EXTL2: variants seen among roughly 807,000 people sequenced by gnomAD.
The protein encoded by EXTL2 is exostosin-like 2.
In EXTL2, 23 loss-of-function variants were observed where a neutral mutation model predicts 30.7. The observed-to-expected ratio is 0.75, with a 90% CI of 0.54 to 1.06. EXTL2 has a LOEUF of 1.06. EXTL2 is among the 50% of genes least tolerant of loss of function. EXTL2 has a pLI of 0.00. For synonymous variants in EXTL2, 123 were observed against 133.8 expected (o/e 0.92, Z 0.56); for missense variants, 352 against 396.3 (o/e 0.89, Z 0.95).
intron 1 of EXTL2, among the ~76,000 whole-genome samples, chr1:100,891,352 C>T (rs1446850007): frequency 2.0e-5 from 3 of 152,078 alleles, no homozygotes; most frequent in Non-Finnish European, 4.4e-5. Flanking sequence ...CTACCTAGAC[C>T]GAACGAATTT....
chr1:100,874,135 A>G lies in EXTL2; in HGVS notation c.800T>C (p.Val267Ala). Reference sequence around the variant, plus strand: ...TTCTTTTTCCAAATTGTCCATGTTTACAGGCTTCACAAATATCCCTGAAGT... The same window carrying G: ...TTCTTTTTCCAAATTGTCCATGTTTGCAGGCTTCACAAATATCCCTGAAGT... The part of the protein sequence containing the change: ...GKTSGIFVKP[V>A]NMDNLEKETN... The change falls in exon 5 of 5, where the codon GTA becomes GCA. Residue 267 changes from valine to alanine, a missense_variant. Val to Ala is a moderately conservative substitution (Grantham distance 64). Transcript: ENST00000370114. 6.2e-7 allele frequency: 1 copy of G among 1,613,034 alleles called. No individual in the cohort carries two copies.
chr1:100,892,825 CT>C (rs1650539408), intron 1 of EXTL2, among the ~76,000 whole-genome samples: 2 of 152,172 alleles, frequency 1.3e-5, no homozygotes, highest in Non-Finnish European at 2.9e-5. Flanking sequence ...ACCTTTACAA[CT>C]CCTTTTTTAA....
chr1:100,880,782 A>G, intron 2 of EXTL2: 1 of 169,380 alleles, frequency 5.9e-6, no homozygotes, highest in Non-Finnish European at 1.2e-5. Context: ...TAAGATCTTT[A>G]TATTCATTTT....
rs771957922 is a variant in EXTL2 at position 100,873,957 on chromosome 1, G to A, written c.978C>T (p.Tyr326=). 21 of 1,566,844 alleles carry A rather than the reference G, an allele frequency of 1.3e-5. No homozygotes were observed. In the African/African-American group the frequency reaches 1.8e-4, roughly 13 times the overall value. ...ISQFGFPYAN[Y]KRKI ...TGTTTTACTTTTATATTTTTCTTTT[G>A]TAGTTGGCATATGGAAAACCAAACT... The change falls in exon 5 of 5, where the codon TAC becomes TAT. Residue 326 remains tyrosine (Y), a synonymous_variant. Transcript: ENST00000370114.
At position 100,874,290 on chromosome 1, in the gene EXTL2, G is replaced by A; in HGVS notation, c.645C>T (p.Ala215=). ...GDQYSMVLIG[A]SFFNSKYLEL... ...CAAGATATTTGCTATTGAAGAATGA[G>A]GCTCCAATCAGCACCATAGAGTACT... The change falls in exon 5 of 5, where the codon GCC becomes GCT. Residue 215 remains alanine, a synonymous_variant. Transcript: ENST00000370114. The A allele has an allele frequency of 6.2e-7, 1 of 1,612,994 alleles. No individual in the cohort carries two copies. The highest frequency in any genetic ancestry group is 8.5e-7 in the Non-Finnish European group (1 of 1,179,444).
At chr1:100,890,738 T>C (rs1359212381) in intron 1 of EXTL2, among the ~76,000 whole-genome samples, 1 of 152,214 alleles carries the variant, frequency 6.6e-6, no homozygotes, top group African/African-American at 2.4e-5. Flanking sequence ...GACTTCATTG[T>C]CCATATCACT....
rs1404620882 is a variant in EXTL2, at chr1:100,873,585, A to G, written c.*357T>C. The G allele has an allele frequency of 8.2e-5, 14 of 170,534 alleles. No homozygotes were observed. The highest frequency in any genetic ancestry group is 1.4e-4 in the Non-Finnish European group (11 of 79,768). 10.6% of individuals were successfully genotyped at this position (170,534 alleles called of 1,614,324 possible). A position where few individuals can be genotyped will look rare whatever the true frequency, so the allele number is the denominator to read the frequency against. ...CAACTGACCTTTAGTGAAAAAGCAG[A>G]GAAATGCCTCTCTTGAGTTTCTGAT... On this transcript the variant is annotated 3_prime_UTR_variant, in exon 5 of 5. Transcript: ENST00000370114.
rs1557949517 is a variant in EXTL2 at position 100,874,311 on chromosome 1, G to A, written c.624C>T (p.Tyr208=). The change falls in exon 5 of 5, where the codon TAC becomes TAT. Residue 208 remains tyrosine, a synonymous_variant. Coordinates refer to ENST00000370114, the MANE Select transcript of EXTL2 (RefSeq NM_001033025.3). The part of the protein sequence containing the change: ...QAPGSGNGDQ[Y]SMVLIGASFF... ...ATGAGGCTCCAATCAGCACCATAGA[G>A]TACTGGTCACCATTTCCAGACCCTG... The A allele has an allele frequency of 6.2e-7, 1 of 1,612,794 alleles. No homozygotes were observed. The highest frequency in any genetic ancestry group is 8.5e-7 in the Non-Finnish European group (1 of 1,179,438).
At chr1:100,878,246 A>G (rs957580440) in intron 2 of EXTL2, 3 of 321,678 alleles carry the variant, frequency 9.3e-6, no homozygotes, top group African/African-American at 6.5e-5. Context: ...GTAATATATT[A>G]ATTTCGAATC....
In EXTL2 at chr1:100,874,358, C is replaced by T. The variant is rs1648934086; in HGVS notation, c.577G>A (p.Gly193Arg). Reference protein sequence around the residue: ...VSTSSGIYSYGSFEMQAPGSG... With the variant: ...VSTSSGIYSYRSFEMQAPGSG... ...CCTGGTGCTTGCATTTCAAAACTTCCATAACTGTAGATACCTGATGAAGTA... is the reference window on the plus strand; with the variant it reads ...CCTGGTGCTTGCATTTCAAAACTTCTATAACTGTAGATACCTGATGAAGTA... Residue 193 changes from glycine to arginine, a missense_variant, in exon 5 of 5, where the codon GGA (glycine) becomes AGA (arginine). Transcript: ENST00000370114. 1 of 1,612,592 alleles carries T rather than the reference C, an allele frequency of 6.2e-7. No homozygotes were observed. The highest frequency in any genetic ancestry group is 8.5e-7 in the Non-Finnish European group (1 of 1,179,258).
At chr1:100,884,169 G>C (rs1029197277) in intron 2 of EXTL2, among the ~76,000 whole-genome samples, 1 of 152,186 alleles carries the variant, frequency 6.6e-6, no homozygotes, top group Non-Finnish European at 1.5e-5. Context: ...AAAGCAATGA[G>C]CAACGTGGTG....
At position 100,891,766 on chromosome 1, in the gene EXTL2, A is replaced by G. The variant is rs1055615433; in HGVS notation, c.-72+2867T>C. Among the ~76,000 whole-genome samples, 3 of 152,220 alleles carry G rather than the reference A, an allele frequency of 2.0e-5. No homozygotes were observed. In the East Asian group the frequency reaches 5.8e-4, roughly 29 times the overall value. On this transcript the variant is annotated intron_variant, in intron 1 of 4. Coordinates refer to ENST00000370114, the MANE Select transcript of EXTL2 (RefSeq NM_001033025.3). ...TATGACCTCTGGAATAATGGCTGGT[A>G]ATATTTAGAATTCCAGCCCCTCTCA...
chr1:100,880,620 C>T (rs1170163092), intron 2 of EXTL2, among the ~76,000 whole-genome samples: 1 of 152,138 alleles, frequency 6.6e-6, no homozygotes, highest in Non-Finnish European at 1.5e-5. Context: ...TACGAATTAA[C>T]AATCTTGGTT....
intron 2 of EXTL2, among the ~76,000 whole-genome samples, chr1:100,887,608 G>A (rs1650064985): frequency 6.6e-6 from 1 of 152,222 alleles, no homozygotes; most frequent in Non-Finnish European, 1.5e-5. Context: ...ATTTGAGATT[G>A]AGAATACAGT....
At chr1:100,879,317 T>C (rs1439337180) in intron 2 of EXTL2, among the ~76,000 whole-genome samples, 2 of 152,194 alleles carry the variant, frequency 1.3e-5, no homozygotes, top group Non-Finnish European at 2.9e-5. Flanking sequence ...TTTTGTACTT[T>C]GGCAACTGAG....
intron 2 of EXTL2, among the ~76,000 whole-genome samples, chr1:100,887,765 C>T (rs1314526524): frequency 6.6e-6 from 1 of 151,820 alleles, no homozygotes; most frequent in Non-Finnish European, 1.5e-5. Flanking sequence ...AGATAAGTGG[C>T]GCGATCCGGC....
chr1:100,885,191 T>A (rs1557958600), intron 2 of EXTL2, among the ~76,000 whole-genome samples: 1 of 152,234 alleles, frequency 6.6e-6, no homozygotes. Context: ...AGCCACTTGA[T>A]AAACAAAAGA....
rs968226491 is a variant in EXTL2 at position 100,874,335 on chromosome 1, T to C, written c.600A>G (p.Pro200=). ...AGTACTGGTCACCATTTCCAGACCCTGGTGCTTGCATTTCAAAACTTCCAT... is the reference window on the plus strand; with the variant it reads ...AGTACTGGTCACCATTTCCAGACCCCGGTGCTTGCATTTCAAAACTTCCAT... ...YSYGSFEMQA[P]GSGNGDQYSM... The change falls in exon 5 of 5, where the codon CCA becomes CCG. Residue 200 remains proline (P), a synonymous_variant. Transcript: ENST00000370114. The C allele has an allele frequency of 1.9e-6, 3 of 1,612,824 alleles. No individual in the cohort carries two copies. Among genetic ancestry groups the C allele is most frequent in the Non-Finnish European group, 2.5e-6 (3 of 1,179,404 alleles).
chr1:100,875,910 T>C (rs1649074947), intron 4 of EXTL2, among the ~76,000 whole-genome samples: 1 of 152,024 alleles, frequency 6.6e-6, no homozygotes, highest in Non-Finnish European at 1.5e-5. Flanking sequence ...TTTCATTTCA[T>C]TCCAAGGACT....
Sources: allele counts gnomAD v4.1 joint callset (sites outside exome capture counted in the v4.1 genomes callset), GRCh38; gene constraint gnomAD v4.1.1; transcripts MANE v1.5; gene names NCBI Gene and HGNC (gene_info 2026-07-23, HGNC 2026-07-21).